RBFOX1: variants seen among roughly 807,000 people sequenced by gnomAD.
RBFOX1 encodes the protein RNA binding fox-1 homolog 1.
In RBFOX1, 8 loss-of-function variants were observed where a neutral mutation model predicts 57.7. The ratio of observed to expected loss-of-function variants is 0.14; its 90% CI spans 0.08 to 0.25. RBFOX1 has a LOEUF of 0.25. Among genes scored for constraint, RBFOX1 ranks in the 10% least tolerant of loss-of-function variants. The pLI is 1.00. For missense variants in RBFOX1, 611 were observed against 548.5 expected (o/e 1.11, Z -1.14); for synonymous variants, 326 against 222.4 (o/e 1.47, Z -4.15).
At chr16:7,325,770 A>C (rs115365968) in intron 4 of RBFOX1, among the ~76,000 whole-genome samples, 1 of 151,994 alleles carries the variant, frequency 6.6e-6, no homozygotes, top group Non-Finnish European at 1.5e-5. Flanking sequence ...CACATTGACA[A>C]CCCTTTTGTA....
At chr16:7,148,888 G>A (rs975311734) in intron 4 of RBFOX1, among the ~76,000 whole-genome samples, 6 of 152,124 alleles carry the variant, frequency 3.9e-5, no homozygotes, top group Non-Finnish European at 7.4e-5. Context: ...CCTTATGCTC[G>A]GAGATAGTCA....
At chr16:6,602,790 T>C (rs544641898) in intron 2 of RBFOX1, among the ~76,000 whole-genome samples, 2 of 152,260 alleles carry the variant, frequency 1.3e-5, no homozygotes, top group South Asian at 4.1e-4. Context: ...ATTTAGCACC[T>C]GGAAAAATGT....
At chr16:6,027,311 C>T (rs1365477482) in intron 1 of RBFOX1, among the ~76,000 whole-genome samples, 3 of 152,092 alleles carry the variant, frequency 2.0e-5, no homozygotes, top group South Asian at 2.1e-4. Context: ...AATGGCAAAC[C>T]GAGATTGCAG....
intron 5 of RBFOX1, among the ~76,000 whole-genome samples, chr16:7,547,288 C>G (rs1245145527): frequency 6.6e-6 from 1 of 152,164 alleles, no homozygotes. Context: ...TAGCACCTTT[C>G]GATATGAAGT....
intron 2 of RBFOX1, among the ~76,000 whole-genome samples, chr16:6,545,163 C>A (rs894208350): frequency 1.3e-5 from 2 of 152,122 alleles, no homozygotes; most frequent in Non-Finnish European, 2.9e-5. Flanking sequence ...CCACTTTAAT[C>A]CAAACTACCC....
rs747913085 is a variant in RBFOX1, at chr16:7,052,029, T to C, written c.-15-28T>C. 6 of 1,563,888 alleles carry C rather than the reference T, an allele frequency of 3.8e-6. No homozygotes were observed. The Admixed American group carries it at 9.2e-5, about 24-fold the overall frequency. ...TTTTCTGATCCGGAGCCTTCTGACT[T>C]TTCCCCTTCATTTTCTTTTCTTTCT... On this transcript the variant is annotated intron_variant, in intron 3 of 15. Transcript: ENST00000550418.
chr16:7,576,201 G>C (rs2093326246), intron 5 of RBFOX1, among the ~76,000 whole-genome samples: 1 of 152,004 alleles, frequency 6.6e-6, no homozygotes, highest in Non-Finnish European at 1.5e-5. Flanking sequence ...TGGGATTACA[G>C]GCATGAGCCA....
intron 3 of RBFOX1, among the ~76,000 whole-genome samples, chr16:6,840,602 C>G (rs1023337954): frequency 6.6e-6 from 1 of 151,962 alleles, no homozygotes; most frequent in Non-Finnish European, 1.5e-5. Context: ...CATAAAAAGG[C>G]TTGAGTCTGG....
intron 1 of RBFOX1, among the ~76,000 whole-genome samples, chr16:6,264,414 C>G (rs563717303): frequency 9.8e-5 from 15 of 152,288 alleles, no homozygotes; most frequent in Admixed American, 4.6e-4. Context: ...TTATACTGTT[C>G]TCTTGTTGGA....
intron 14 of RBFOX1, chr16:7,693,411 G>A (rs1186760396): frequency 4.1e-6 from 4 of 972,174 alleles, no homozygotes; most frequent in Non-Finnish European, 5.9e-6. Context: ...CCAAGTCTCA[G>A]TATCCTTTTT....
rs13331848 is a variant in RBFOX1, at chr16:7,676,382, A to C, written c.931-392A>C. Among the ~76,000 whole-genome samples, 144 of 152,346 alleles carry C rather than the reference A, an allele frequency of 9.5e-4. 2 individuals are homozygous for C. The highest frequency in any genetic ancestry group is 3.3e-3 in the African/African-American group (138 of 41,578). ...AATAAGAACTGTTTGAATAAAATTT[A>C]AGTTAATATCTGATAAAGGTAAAGC... On this transcript the variant is annotated intron_variant, in intron 13 of 15. Transcript: ENST00000550418.
At chr16:5,552,573 A>G (rs1567222172) in intron 2 of RBFOX1, among the ~76,000 whole-genome samples, 3 of 152,192 alleles carry the variant, frequency 2.0e-5, no homozygotes, top group Non-Finnish European at 4.4e-5. Flanking sequence ...CACCCACAGG[A>G]ATTTCAAACT....
At chr16:7,681,581 C>G (rs1366508424) in intron 14 of RBFOX1, among the ~76,000 whole-genome samples, 2 of 152,034 alleles carry the variant, frequency 1.3e-5, no homozygotes, top group African/African-American at 4.8e-5. Flanking sequence ...ATGATATATA[C>G]TAAAAATTAA....
intron 2 of RBFOX1, among the ~76,000 whole-genome samples, chr16:6,642,818 G>T (rs971592058): frequency 6.6e-6 from 1 of 152,068 alleles, no homozygotes; most frequent in African/African-American, 2.4e-5. Flanking sequence ...GCCCCCTGAA[G>T]ATTCCTCCAA....
intron 2 of RBFOX1, among the ~76,000 whole-genome samples, chr16:6,478,403 A>G (rs1597822681): frequency 1.4e-4 from 1 of 7,128 alleles, no homozygotes; most frequent in South Asian, 0.018. Flanking sequence ...ATATATATAT[A>G]TATATATATA....
chr16:7,028,698 G>A (rs2041762546), intron 3 of RBFOX1, among the ~76,000 whole-genome samples: 1 of 149,542 alleles, frequency 6.7e-6, no homozygotes, highest in Non-Finnish European at 1.5e-5. Context: ...TTGAAAATGT[G>A]AACCAACTGT....
At chr16:6,687,407 CA>C (rs1248379571) in intron 3 of RBFOX1, among the ~76,000 whole-genome samples, 1 of 152,050 alleles carries the variant, frequency 6.6e-6, no homozygotes, top group Non-Finnish European at 1.5e-5. Context: ...CCCATGTAAC[CA>C]AAAACCACTT....
At chr16:6,846,761 C>T (rs1603631763) in intron 3 of RBFOX1, among the ~76,000 whole-genome samples, 1 of 152,250 alleles carries the variant, frequency 6.6e-6, no homozygotes, top group East Asian at 1.9e-4. Flanking sequence ...GGTCATTTGT[C>T]TTTGATAGGA....
intron 4 of RBFOX1, among the ~76,000 whole-genome samples, chr16:5,955,319 A>AT (rs1344454883): frequency 6.3e-5 from 2 of 31,880 alleles, no homozygotes; most frequent in African/African-American, 1.8e-4. Context: ...AATAAAATAA[A>AT]ATAAAATAAA....
Sources: gnomAD v4.1 joint callset for allele counts (sites outside exome capture counted in the v4.1 genomes callset) on GRCh38, gnomAD v4.1.1 for gene constraint, MANE v1.5 for transcripts, NCBI Gene and HGNC (gene_info 2026-07-23, HGNC 2026-07-21) for gene names.